Variants in TCF12 observed in about 807,000 individuals in gnomAD.
TCF12 encodes the protein transcription factor 12.
A neutral mutation model predicts 86.0 loss-of-function variants in TCF12; 45 were observed. That is an observed-to-expected ratio of 0.52 (90% CI 0.41 to 0.67). The LOEUF (loss-of-function observed/expected upper bound fraction) is 0.67. Among genes scored for constraint, TCF12 ranks in the 30% least tolerant of loss-of-function variants. The probability of loss-of-function intolerance (pLI) is 0.00; values close to 1 mark genes in which losing one functional copy is unlikely to be tolerated. For missense variants in TCF12, 881 were observed against 859.9 expected (o/e 1.02, Z -0.31); for synonymous variants, 330 against 299.6 (o/e 1.10, Z -1.05).
chr15:57,222,758 ATTTTTTTTTTT>A (rs57645813), intron 8 of TCF12, among the ~76,000 whole-genome samples: 21 of 45,528 alleles, frequency 4.6e-4, no homozygotes, highest in African/African-American at 1.9e-3. Context: ...AAGGACTGCC[ATTTTTTTTTTT>A]TTTTTTTTTT....
In TCF12 at chr15:56,922,521, T is replaced by C. The variant is rs151019317; in HGVS notation, c.148+1423T>C. Among the ~76,000 whole-genome samples the C allele has an allele frequency of 4.0e-3, 605 of 152,168 alleles. 6 individuals carry two copies. The highest frequency in any genetic ancestry group is 0.014 in the African/African-American group (579 of 41,574). On this transcript the variant is annotated intron_variant, in intron 3 of 20. Coordinates refer to ENST00000333725, the MANE Select transcript of TCF12 (RefSeq NM_207037.2). The stretch of plus-strand genomic sequence containing the variant: ...TGAACTGGGATATAGATTATAAGCA[T>C]GGCATTGGAGCAATTTTTGGACTTC...
At chr15:56,986,682 A>G (rs1215806238) in intron 3 of TCF12, among the ~76,000 whole-genome samples, 2 of 152,188 alleles carry the variant, frequency 1.3e-5, no homozygotes, top group Non-Finnish European at 2.9e-5. Context: ...ATCCTTATGT[A>G]TATCCTTATA....
At position 56,919,666 on chromosome 15, in the gene TCF12, C is replaced by T; in HGVS notation, c.-22-226C>T. On this transcript the variant is annotated intron_variant, in intron 1 of 20. Transcript: ENST00000333725. ...AGAGGCGGCGAGTTGCGGGAGCCGC[C>T]GCGTCGATCTCGGGCCGCGGCGAGG... 8.3e-6 allele frequency: 3 copies of T among 359,326 alleles called. No homozygotes were observed. In the South Asian group the frequency reaches 1.2e-4, roughly 15 times the overall value. The allele number at this position is 359,326 out of a possible 1,614,324, so 22.3% of individuals were successfully genotyped here.
chr15:57,005,870 T>C (rs999537715), intron 3 of TCF12, among the ~76,000 whole-genome samples: 1 of 152,172 alleles, frequency 6.6e-6, no homozygotes, highest in African/African-American at 2.4e-5. Context: ...ACCCTCAGTC[T>C]GAGTATTTTA....
At chr15:57,123,094 A>G (rs1462832369) in intron 5 of TCF12, among the ~76,000 whole-genome samples, 14 of 152,244 alleles carry the variant, frequency 9.2e-5, no homozygotes, top group African/African-American at 2.7e-4. Context: ...GAATGATACA[A>G]TAGTAAACTT....
At chr15:57,143,709 G>A (rs1266618444) in intron 5 of TCF12, among the ~76,000 whole-genome samples, 1 of 152,224 alleles carries the variant, frequency 6.6e-6, no homozygotes, top group Non-Finnish European at 1.5e-5. Flanking sequence ...AGTGTACCCA[G>A]AGACGAGTTA....
At chr15:56,995,100 A>G (rs2063636997) in intron 3 of TCF12, among the ~76,000 whole-genome samples, 1 of 152,058 alleles carries the variant, frequency 6.6e-6, no homozygotes, top group South Asian at 2.1e-4. Flanking sequence ...TATAATCCCT[A>G]GAGCCACTAC....
At chr15:56,981,561 G>A (rs2062893244) in intron 3 of TCF12, among the ~76,000 whole-genome samples, 1 of 152,036 alleles carries the variant, frequency 6.6e-6, no homozygotes, top group South Asian at 2.1e-4. Flanking sequence ...TTTTGGAGGG[G>A]CCAAAAACAC....
At chr15:57,035,696 G>GAA (rs1282680471) in intron 3 of TCF12, among the ~76,000 whole-genome samples, 1 of 152,006 alleles carries the variant, frequency 6.6e-6, no homozygotes, top group South Asian at 2.1e-4. Flanking sequence ...TATTTTTGGG[G>GAA]AAAAAAACAC....
chr15:57,064,812 A>AAAAAAAAAAAAAAAAAAG (rs554263213), intron 4 of TCF12, among the ~76,000 whole-genome samples: 17 of 123,452 alleles, frequency 1.4e-4, no homozygotes, highest in African/African-American at 4.9e-4. Flanking sequence ...AAAAAAAAAA[A>AAAAAAAAAAAAAAAAAAG]AGAGAGAGAG....
chr15:56,919,829 T>C, intron 1 of TCF12, 63 bp from the exon 2 acceptor site: 5 of 1,458,644 alleles, frequency 3.4e-6, no homozygotes, highest in Non-Finnish European at 4.8e-6. Context: ...AGTACCTCTC[T>C]CTGTTCCCTC....
At chr15:57,006,106 A>G (rs1180609129) in intron 3 of TCF12, among the ~76,000 whole-genome samples, 1 of 152,190 alleles carries the variant, frequency 6.6e-6, no homozygotes, top group Admixed American at 6.5e-5. Context: ...TTCATGTACT[A>G]TGTGCTTAAT....
chr15:57,049,159 G>A (rs1238791442), intron 3 of TCF12, among the ~76,000 whole-genome samples: 11 of 152,194 alleles, frequency 7.2e-5, no homozygotes, highest in African/African-American at 2.7e-4. Context: ...GTTCTCAAAT[G>A]TCATCCCAGC....
At chr15:57,002,946 C>T (rs1473343987) in intron 3 of TCF12, among the ~76,000 whole-genome samples, 1 of 152,180 alleles carries the variant, frequency 6.6e-6, no homozygotes, top group Non-Finnish European at 1.5e-5. Flanking sequence ...TACTGGTAAG[C>T]TGAGAGTTTA....
chr15:56,970,819 G>A, intron 3 of TCF12, among the ~76,000 whole-genome samples: 1 of 151,724 alleles, frequency 6.6e-6, no homozygotes, highest in Non-Finnish European at 1.5e-5. Flanking sequence ...GGAACCTGAG[G>A]CAGAAGAAAT....
At chr15:57,282,100 T>C in intron 19 of TCF12, 1 of 322,816 alleles carries the variant, frequency 3.1e-6, no homozygotes, top group Non-Finnish European at 5.9e-6. Flanking sequence ...TCATGTCAAT[T>C]CAGTGTACCG....
chr15:57,054,673 G>T (rs1220961812), intron 3 of TCF12, among the ~76,000 whole-genome samples: 2 of 149,324 alleles, frequency 1.3e-5, no homozygotes, highest in Non-Finnish European at 3.0e-5. Context: ...TTTGTTTTCT[G>T]TGTATTCCAA....
At chr15:57,185,877 G>C (rs964483125) in intron 6 of TCF12, among the ~76,000 whole-genome samples, 1 of 151,986 alleles carries the variant, frequency 6.6e-6, no homozygotes, top group East Asian at 1.9e-4. Flanking sequence ...GCAAACTCCT[G>C]TGTCAAAAAG....
At chr15:56,976,397 A>ATT (rs55909585) in intron 3 of TCF12, among the ~76,000 whole-genome samples, 1,700 of 146,644 alleles carry the variant, frequency 0.012, 30 homozygotes, top group African/African-American at 0.04. Context: ...CGCCTGGCTA[A>ATT]TTTTTTTTTT....
Sources: gnomAD v4.1 joint callset for allele counts (sites outside exome capture counted in the v4.1 genomes callset) on GRCh38, gnomAD v4.1.1 for gene constraint, MANE v1.5 for transcripts, NCBI Gene and HGNC (gene_info 2026-07-23, HGNC 2026-07-21) for gene names.